The following BACE1 variants were observed in gnomAD, a reference collection of about 807,000 sequenced individuals.
BACE1 encodes beta-secretase 1.
In BACE1, 21 loss-of-function variants were observed where a neutral mutation model predicts 54.0. The ratio of observed to expected loss-of-function variants is 0.39; its 90% CI spans 0.28 to 0.56. The LOEUF (loss-of-function observed/expected upper bound fraction) is 0.56, where lower values mean the gene tolerates loss of function less well. BACE1 is among the 20% of genes least tolerant of loss of function. The probability of loss-of-function intolerance (pLI) is 0.63; values close to 1 mark genes in which losing one functional copy is unlikely to be tolerated. For missense variants in BACE1, 511 were observed against 661.2 expected (o/e 0.77, Z 2.49); for synonymous variants, 232 against 260.9 (o/e 0.89, Z 1.07).
At chr11:117,307,321 C>CT (rs1444261754) in intron 1 of BACE1, among the ~76,000 whole-genome samples, 10 of 152,042 alleles carry the variant, frequency 6.6e-5, no homozygotes, top group Admixed American at 5.9e-4. Context: ...CCTGGATTTT[C>CT]TTTTTTTGAG....
In BACE1 at chr11:117,309,955, C is replaced by T. The variant is rs889134888; in HGVS notation, c.261+5580G>A. Among the ~76,000 whole-genome samples, 5 of 152,176 alleles carry T rather than the reference C, an allele frequency of 3.3e-5. No individual in the cohort carries two copies. In the East Asian group the frequency reaches 7.7e-4, roughly 23 times the overall value. On this transcript the variant is annotated intron_variant, in intron 1 of 8. Coordinates refer to ENST00000313005, the MANE Select transcript of BACE1 (RefSeq NM_012104.6). ...ACAGGGTCTCACTCTGTCACCCAGG[C>T]TGGAGTGCAGTGGCGCAATCTCGGC...
chr11:117,310,468 T>C (rs2034921117), intron 1 of BACE1, among the ~76,000 whole-genome samples: 1 of 152,230 alleles, frequency 6.6e-6, no homozygotes, highest in Non-Finnish European at 1.5e-5. Context: ...AGTCTCGCTC[T>C]GGAGTGCAGT....
At position 117,285,970 on chromosome 11, in the gene BACE1, G is replaced by C. The variant is rs753444396; in HGVS notation, c.*3596C>G. ...AGCTCTGACAGGCCAACATTGTGAAGTCCTCACCCTTTCCCATTCACTTCT... is the reference window on the plus strand; with the variant it reads ...AGCTCTGACAGGCCAACATTGTGAACTCCTCACCCTTTCCCATTCACTTCT... On this transcript the variant is annotated 3_prime_UTR_variant, in exon 9 of 9. Coordinates refer to ENST00000313005, the MANE Select transcript of BACE1 (RefSeq NM_012104.6). 1.3e-5 allele frequency: 2 copies of C among 152,582 alleles called. No individual in the cohort carries two copies. The highest frequency in any genetic ancestry group is 2.9e-5 in the Non-Finnish European group (2 of 68,050). 9.5% of individuals were successfully genotyped at this position (152,582 alleles called of 1,614,324 possible). A position where few individuals can be genotyped will look rare whatever the true frequency, so the allele number is the denominator to read the frequency against.
rs1370262254 is a variant in BACE1, at chr11:117,286,888, C to G, written c.*2678G>C. 1 of 152,570 alleles carries G rather than the reference C, an allele frequency of 6.6e-6. No individual in the cohort carries two copies. Among genetic ancestry groups the G allele is most frequent in the Non-Finnish European group, 1.5e-5 (1 of 68,044 alleles). 9.5% of individuals were successfully genotyped at this position (152,570 alleles called of 1,614,324 possible). ...TAGCTGTCATGAACAGGAAAGGTGGCAAAATGGAAGACCAGTTCTATTGTT... is the reference window on the plus strand; with the variant it reads ...TAGCTGTCATGAACAGGAAAGGTGGGAAAATGGAAGACCAGTTCTATTGTT... On this transcript the variant is annotated 3_prime_UTR_variant, in exon 9 of 9. Coordinates refer to ENST00000313005, the MANE Select transcript of BACE1 (RefSeq NM_012104.6).
intron 6 of BACE1, among the ~76,000 whole-genome samples, chr11:117,291,426 C>T (rs1025555762): frequency 3.9e-5 from 6 of 151,902 alleles, no homozygotes; most frequent in African/African-American, 7.3e-5. Context: ...TACAGGCGTG[C>T]GCCACCACAC....
Position 117,290,489 on chromosome 11 carries a change from A to G in BACE1, c.1263T>C (p.His421=), listed in dbSNP as rs376210908. The change falls in exon 8 of 9, where the codon CAT becomes CAC. Residue 421 remains histidine (H), a splice_region_variant and synonymous_variant. Transcript: ENST00000313005. Reference sequence around the variant, plus strand: ...AACCCTCAGCCCTGGCACTCTCACCATGGCAAGCGCTGACAGCAAAGCCAA... The same window carrying G: ...AACCCTCAGCCCTGGCACTCTCACCGTGGCAAGCGCTGACAGCAAAGCCAA... ...KRIGFAVSAC[H]VHDEFRTAAV... The G allele has an allele frequency of 2.5e-5, 40 of 1,613,900 alleles. No homozygotes were observed. The highest frequency in any genetic ancestry group is 1.1e-4 in the South Asian group (10 of 91,076).
At chr11:117,308,546 A>G (rs1299297534) in intron 1 of BACE1, among the ~76,000 whole-genome samples, 3 of 152,208 alleles carry the variant, frequency 2.0e-5, no homozygotes, top group Admixed American at 1.3e-4. Flanking sequence ...CACTTTGGAC[A>G]AGACACTTAG....
chr11:117,315,456 G>A lies in BACE1; in HGVS notation c.261+79C>T. The A allele has an allele frequency of 6.6e-7, 1 of 1,520,420 alleles. No homozygotes were observed. The highest frequency in any genetic ancestry group is 8.8e-7 in the Non-Finnish European group (1 of 1,140,620). 94.2% of individuals were successfully genotyped at this position (1,520,420 alleles called of 1,614,324 possible). ...GTCCCCACCAGCCCATTTGAGCAGG[G>A]GCTAGCTTGAGGCATCCCCATCCTG... On this transcript the variant is annotated intron_variant, in intron 1 of 8. Transcript: ENST00000313005. The surrounding 1 kb of genome is among the most constrained non-coding windows in gnomAD (Gnocchi z 5.5).
intron 1 of BACE1, among the ~76,000 whole-genome samples, chr11:117,304,336 A>G (rs1035391902): frequency 6.6e-6 from 1 of 152,268 alleles, no homozygotes; most frequent in African/African-American, 2.4e-5. Flanking sequence ...ATGCAGCCAC[A>G]TGGGTGAGCC....
At chr11:117,289,979 T>C (rs2034372789) in intron 8 of BACE1, among the ~76,000 whole-genome samples, 172 bp from the exon 9 acceptor site, 2 of 152,176 alleles carry the variant, frequency 1.3e-5, no homozygotes, top group Admixed American at 6.5e-5. Context: ...GAGGCCTGTC[T>C]CCCTTCCCAA....
chr11:117,312,839 G>C (rs921476658), intron 1 of BACE1, among the ~76,000 whole-genome samples: 2 of 152,184 alleles, frequency 1.3e-5, no homozygotes, highest in African/African-American at 2.4e-5. Flanking sequence ...GTCAGGGATG[G>C]GGCCAGGGAA....
intron 1 of BACE1, chr11:117,297,278 G>C (rs955800327): frequency 5.5e-5 from 16 of 289,054 alleles, no homozygotes; most frequent in Non-Finnish European, 7.7e-5. Flanking sequence ...AAGTCAAAGA[G>C]ATAGCCAGAT....
intron 1 of BACE1, among the ~76,000 whole-genome samples, chr11:117,309,196 G>T (rs1341566222): frequency 6.6e-6 from 1 of 152,102 alleles, no homozygotes; most frequent in African/African-American, 2.4e-5. Context: ...ATCCTTGTTT[G>T]CATGTCTAGA....
chr11:117,285,709 A>C lies in BACE1; in HGVS notation c.*3857T>G, dbSNP rs1383232232. 1 of 152,554 alleles carries C rather than the reference A, an allele frequency of 6.6e-6. No homozygotes were observed. 9.5% of individuals were successfully genotyped at this position (152,554 alleles called of 1,614,324 possible). A position where few individuals can be genotyped will look rare whatever the true frequency, so the allele number is the denominator to read the frequency against. ...AGTAACCCTAGTAGTTTGACTTCTT[A>C]TTGAATATTTTACTGTGTTAACGCT... On this transcript the variant is annotated 3_prime_UTR_variant, in exon 9 of 9. Transcript: ENST00000313005.
At chr11:117,300,704 A>G (rs1327474498) in intron 1 of BACE1, among the ~76,000 whole-genome samples, 4 of 151,888 alleles carry the variant, frequency 2.6e-5, no homozygotes, top group Admixed American at 2.0e-4. Context: ...GCTCCTCATG[A>G]GCTGCCACCT....
chr11:117,314,364 C>T (rs2035023686), intron 1 of BACE1, among the ~76,000 whole-genome samples: 1 of 152,116 alleles, frequency 6.6e-6, no homozygotes, highest in Admixed American at 6.5e-5. Flanking sequence ...GGGGAGCACG[C>T]ACCTAGGAAG....
chr11:117,296,386 T>C (rs1436120728), intron 2 of BACE1, among the ~76,000 whole-genome samples: 1 of 152,132 alleles, frequency 6.6e-6, no homozygotes, highest in African/African-American at 2.4e-5. Context: ...GAGGGGTTTA[T>C]GAAAGACCCT....
chr11:117,289,842 A>G, intron 8 of BACE1, 35 bp from the exon 9 acceptor site: 2 of 1,587,684 alleles, frequency 1.3e-6, no homozygotes, highest in Non-Finnish European at 1.7e-6. Context: ...GACAGCTCTC[A>G]TTGTCATAGA....
chr11:117,291,049 T>G lies in BACE1; in HGVS notation c.943A>C (p.Thr315Pro). The change falls in exon 7 of 9, where the codon ACG becomes CCG. Residue 315 changes from threonine (T) to proline (P), a missense_variant and splice_region_variant. Thr to Pro is a conservative substitution (Grantham distance 38). This residue lies in a region of BACE1 where 407 missense variants were observed against 565.7 expected (regional missense o/e 0.72). Coordinates refer to ENST00000313005, the MANE Select transcript of BACE1 (RefSeq NM_012104.6). ...AVKSIKAASS[T>P]EKFPDGFWLG... ...CAGAAACCATCAGGGAACTTCTCCG[T>G]CTGTGTTGGCAAGAAGGGGATAACA... The G allele has an allele frequency of 6.2e-7, 1 of 1,614,046 alleles. No individual in the cohort carries two copies. The highest frequency in any genetic ancestry group is 8.5e-7 in the Non-Finnish European group (1 of 1,179,976).
Sources: allele counts gnomAD v4.1 joint callset (sites outside exome capture counted in the v4.1 genomes callset), GRCh38; gene constraint gnomAD v4.1.1; regional missense constraint gnomAD v4.1.1; non-coding constraint Gnocchi (gnomAD v3.1); transcripts MANE v1.5; gene names NCBI Gene and HGNC (gene_info 2026-07-23, HGNC 2026-07-21).